DAAM1: variants seen among roughly 807,000 people sequenced by gnomAD.
DAAM1 encodes disheveled-associated activator of morphogenesis 1.
DAAM1 carries 52 observed loss-of-function variants against 130.0 expected under a neutral mutation model. The ratio of observed to expected loss-of-function variants is 0.40; its 90% CI spans 0.32 to 0.50. The LOEUF (loss-of-function observed/expected upper bound fraction) is 0.50, where lower values mean the gene tolerates loss of function less well. Among genes scored for constraint, DAAM1 ranks in the 20% least tolerant of loss-of-function variants. DAAM1 has a pLI of 0.61. For missense variants in DAAM1, 1,134 were observed against 1,303.8 expected (o/e 0.87, Z 2.01); for synonymous variants, 452 against 444.5 (o/e 1.02, Z -0.21).
intron 2 of DAAM1, among the ~76,000 whole-genome samples, chr14:59,275,276 G>A (rs930092072): frequency 2.0e-5 from 3 of 152,144 alleles, no homozygotes; most frequent in Admixed American, 1.3e-4. Context: ...AGGCAATGGG[G>A]CCTGTCAGAG....
chr14:59,263,578 G>C lies in DAAM1; in HGVS notation c.101G>C (p.Ser34Thr), dbSNP rs751089659. ...PEITYRLRND[S>T]NFALQTMEPA... ...ATCACGTATCGGCTGCGAAATGATA[G>C]CAACTTTGCGCTTCAGACCATGGAA... Residue 34 changes from serine to threonine, a missense_variant, in exon 2 of 25, where the codon AGC becomes ACC. Around this residue, in one of 3 missense-constraint regions of DAAM1, gnomAD observed 99 missense variants for 86.4 expected, o/e 1.15. Transcript: ENST00000360909. 1 of 1,614,072 alleles carries C rather than the reference G, an allele frequency of 6.2e-7. No individual in the cohort carries two copies. The highest frequency in any genetic ancestry group is 1.1e-5 in the South Asian group (1 of 91,084).
In DAAM1 at chr14:59,368,636, C is replaced by T; in HGVS notation, c.2998-14C>T. The stretch of plus-strand genomic sequence containing the variant: ...TTGACATGTCTCAAAGAGGTTATTT[C>T]TTTCTATTTGCAGCTCAAAGAACAA... On this transcript the variant is annotated splice_polypyrimidine_tract_variant and intron_variant, in intron 24 of 24. Transcript: ENST00000360909. 1 of 1,606,624 alleles carries T rather than the reference C, an allele frequency of 6.2e-7. No individual in the cohort carries two copies. Among genetic ancestry groups the T allele is most frequent in the South Asian group, 1.1e-5 (1 of 89,530 alleles).
rs1887032398 is a variant in DAAM1 at position 59,368,942 on chromosome 14, CCAAA to C, written c.*86_*89del. 2.3e-6 allele frequency: 3 copies of C among 1,330,620 alleles called. No individual in the cohort carries two copies. In the South Asian group the frequency reaches 4.3e-5, roughly 19 times the overall value. 82.4% of individuals were successfully genotyped at this position (1,330,620 alleles called of 1,614,324 possible). Reference sequence around the variant, plus strand: ...ACGTTTCATTACACTGCCTTGCAATCCAAACAGTGGCAATTTTTTCCTTCATCTG... The same window carrying C: ...ACGTTTCATTACACTGCCTTGCAATCCAGTGGCAATTTTTTCCTTCATCTG... On this transcript the variant is annotated 3_prime_UTR_variant, in exon 25 of 25. Coordinates refer to ENST00000360909, the MANE Select transcript of DAAM1 (RefSeq NM_001270520.2).
intron 2 of DAAM1, chr14:59,265,231 G>T (rs139467842): frequency 6.6e-4 from 100 of 152,342 alleles, no homozygotes; most frequent in Middle Eastern, 3.4e-3. Context: ...GCTGATGTTT[G>T]ATTTCTGGTC....
intron 1 of DAAM1, among the ~76,000 whole-genome samples, chr14:59,235,894 C>T (rs1181064202): frequency 2.0e-5 from 3 of 152,132 alleles, no homozygotes; most frequent in Non-Finnish European, 2.9e-5. Context: ...TGGTGGAACA[C>T]GCATGCAGCT....
intron 1 of DAAM1, among the ~76,000 whole-genome samples, chr14:59,243,602 C>A (rs1381157424): frequency 6.6e-6 from 1 of 152,126 alleles, no homozygotes; most frequent in Non-Finnish European, 1.5e-5. Context: ...TCTCTGATCC[C>A]TCAATTCAAC....
At chr14:59,258,682 AG>A (rs1479307687) in intron 1 of DAAM1, among the ~76,000 whole-genome samples, 2 of 152,196 alleles carry the variant, frequency 1.3e-5, no homozygotes, top group African/African-American at 4.8e-5. Flanking sequence ...CTGAAAGACT[AG>A]GCTCTGAATA....
intron 22 of DAAM1, among the ~76,000 whole-genome samples, 165 bp downstream of exon 22, chr14:59,361,027 C>T (rs1886685583): frequency 6.6e-6 from 1 of 152,194 alleles, no homozygotes; most frequent in South Asian, 2.1e-4. Flanking sequence ...AGGTTATGTT[C>T]AGCCTGGCAA....
chr14:59,270,761 A>G (rs1882675494), intron 2 of DAAM1, among the ~76,000 whole-genome samples: 1 of 152,184 alleles, frequency 6.6e-6, no homozygotes, highest in Non-Finnish European at 1.5e-5. Flanking sequence ...TTCCTACAGA[A>G]TATTTCACAG....
At chr14:59,278,814 CTG>C (rs1883085830) in intron 2 of DAAM1, among the ~76,000 whole-genome samples, 2 of 152,124 alleles carry the variant, frequency 1.3e-5, no homozygotes, top group Admixed American at 6.5e-5. Flanking sequence ...GTGTCTGAAA[CTG>C]TAACATTTCC....
At chr14:59,254,360 C>T (rs1028790930) in intron 1 of DAAM1, among the ~76,000 whole-genome samples, 1 of 152,128 alleles carries the variant, frequency 6.6e-6, no homozygotes, top group Admixed American at 6.5e-5. Flanking sequence ...AACTTGGCCT[C>T]TTAGATGAGG....
intron 2 of DAAM1, among the ~76,000 whole-genome samples, chr14:59,270,357 C>A (rs917984453): frequency 6.6e-6 from 1 of 152,152 alleles, no homozygotes; most frequent in Non-Finnish European, 1.5e-5. Flanking sequence ...GCAGAGATCA[C>A]GTGGCCAGAG....
At chr14:59,265,571 G>T (rs892255346) in intron 2 of DAAM1, 2 of 152,252 alleles carry the variant, frequency 1.3e-5, no homozygotes, top group African/African-American at 4.8e-5. Flanking sequence ...GATGAGGAAG[G>T]TGGTTAGGGA....
At chr14:59,339,525 C>T (rs1244783532) in intron 15 of DAAM1, among the ~76,000 whole-genome samples, 2 of 152,194 alleles carry the variant, frequency 1.3e-5, no homozygotes, top group Non-Finnish European at 2.9e-5. Flanking sequence ...CCTCAAACTG[C>T]CCCTTCCCAT....
rs186246627 is a variant in DAAM1 at position 59,298,965 on chromosome 14, C to T, written c.273+7659C>T. Among the ~76,000 whole-genome samples the T allele has an allele frequency of 3.9e-5, 6 of 152,294 alleles. No homozygotes were observed. The East Asian group carries it at 1.2e-3, about 29-fold the overall frequency. On this transcript the variant is annotated intron_variant, in intron 3 of 24. Coordinates refer to ENST00000360909, the MANE Select transcript of DAAM1 (RefSeq NM_001270520.2). ...AACGAGGCAGCAGTAAGTAAATGTA[C>T]TCATAGGTTGAACCAAAACATTAGC...
chr14:59,238,384 T>C (rs540048885), intron 1 of DAAM1, among the ~76,000 whole-genome samples: 1 of 152,300 alleles, frequency 6.6e-6, no homozygotes, highest in South Asian at 2.1e-4. Flanking sequence ...GAACACTCTT[T>C]TGTGGCATTT....
At chr14:59,362,406 A>T (rs1436767327) in intron 22 of DAAM1, 1 of 152,200 alleles carries the variant, frequency 6.6e-6, no homozygotes, top group Non-Finnish European at 1.5e-5. Context: ...TACACAAATT[A>T]ATTATATTGT....
Position 59,263,685 on chromosome 14 carries a change from C to T in DAAM1, c.183+25C>T, listed in dbSNP as rs1429485714. On this transcript the variant is annotated intron_variant, in intron 2 of 24. Transcript: ENST00000360909. ...GGTGAGTCCCAGTTTTCTATCCTGG[C>T]ATTGGTGGGGAGCCAGAGAAGGAGA... 9 of 1,608,522 alleles carry T rather than the reference C, an allele frequency of 5.6e-6. No homozygotes were observed. In the South Asian group the frequency reaches 8.8e-5, roughly 16 times the overall value.
intron 11 of DAAM1, 26 bp from the exon 12 acceptor site, chr14:59,326,907 T>C: frequency 3.1e-6 from 5 of 1,613,046 alleles, no homozygotes; most frequent in Non-Finnish European, 4.2e-6. Context: ...TTTTTTGTAA[T>C]AAATGCTCCT....
Sources: allele counts gnomAD v4.1 joint callset (sites outside exome capture counted in the v4.1 genomes callset), GRCh38; gene constraint gnomAD v4.1.1; regional missense constraint gnomAD v4.1.1; transcripts MANE v1.5; gene names NCBI Gene and HGNC (gene_info 2026-07-23, HGNC 2026-07-21).